The following WDR7 variants were observed in gnomAD, a reference collection of about 807,000 sequenced individuals.
WDR7 encodes the protein WD repeat-containing protein 7.
Under a neutral mutation model 169.4 loss-of-function variants are expected in WDR7, and 46 were observed. That is an observed-to-expected ratio of 0.27 (90% CI 0.21 to 0.35). WDR7 has a LOEUF of 0.35. Ranked by LOEUF, WDR7 falls within the 10% of genes least tolerant of loss-of-function variation. The pLI is 1.00. For missense variants in WDR7, 1,534 were observed against 1,859.3 expected (o/e 0.83, Z 3.22); for synonymous variants, 612 against 666.8 (o/e 0.92, Z 1.27).
chr18:56,823,946 ACT>A (rs903970336), intron 20 of WDR7, among the ~76,000 whole-genome samples: 3 of 152,004 alleles, frequency 2.0e-5, no homozygotes, highest in African/African-American at 7.3e-5. Flanking sequence ...GTCTTCCATG[ACT>A]CTGAGAGTTT....
At chr18:56,963,530 G>A (rs957123288) in intron 26 of WDR7, among the ~76,000 whole-genome samples, 6 of 152,064 alleles carry the variant, frequency 3.9e-5, no homozygotes, top group Admixed American at 6.6e-5. Context: ...AATTTCAGGG[G>A]TCAGACAAGT....
At position 56,695,012 on chromosome 18, in the gene WDR7, G is replaced by A; in HGVS notation, c.1171G>A (p.Ala391Thr). The A allele has an allele frequency of 6.2e-7, 1 of 1,614,126 alleles. No homozygotes were observed. The highest frequency in any genetic ancestry group is 8.5e-7 in the Non-Finnish European group (1 of 1,180,018). ...ATTTGATAAACTGAATCCTTGTCCT[G>A]CTGGAATTATAGATCAGCTGAGTGT... Reference protein sequence around the residue: ...EAFDKLNPCPAGIIDQLSVIP... With the variant: ...EAFDKLNPCPTGIIDQLSVIP... The change falls in exon 11 of 28, where the codon GCT becomes ACT. Residue 391 changes from alanine (A) to threonine (T), a missense_variant. Ala to Thr is a moderately conservative substitution (Grantham distance 58). Coordinates refer to ENST00000254442, the MANE Select transcript of WDR7 (RefSeq NM_015285.3).
At chr18:56,704,325 C>A (rs1341137429) in intron 12 of WDR7, among the ~76,000 whole-genome samples, 1 of 151,680 alleles carries the variant, frequency 6.6e-6, no homozygotes, top group Non-Finnish European at 1.5e-5. Context: ...TCACTTGATG[C>A]CAGGAGTTCA....
chr18:56,797,748 A>G (rs963086256), intron 19 of WDR7, among the ~76,000 whole-genome samples: 3 of 150,776 alleles, frequency 2.0e-5, no homozygotes, highest in East Asian at 2.0e-4. Context: ...ACTTTTATCT[A>G]TCTATCTAAA....
At chr18:56,990,948 TTAC>T (rs879629885) in intron 26 of WDR7, among the ~76,000 whole-genome samples, 3 of 152,190 alleles carry the variant, frequency 2.0e-5, no homozygotes, top group African/African-American at 4.8e-5. Context: ...CAACAACTAC[TTAC>T]TACCTCACTA....
chr18:56,719,725 A>G (rs2026278658), intron 13 of WDR7, among the ~76,000 whole-genome samples: 1 of 152,136 alleles, frequency 6.6e-6, no homozygotes, highest in Non-Finnish European at 1.5e-5. Context: ...CTTTAGTTCT[A>G]GAGTCAGACT....
chr18:56,718,480 A>G (rs1253000692), intron 13 of WDR7, among the ~76,000 whole-genome samples: 1 of 152,232 alleles, frequency 6.6e-6, no homozygotes, highest in East Asian at 1.9e-4. Flanking sequence ...TCTCAGGTTT[A>G]CATACGGTGA....
chr18:56,691,666 T>A (rs1388782785), intron 8 of WDR7, 49 bp from the exon 9 acceptor site: 1 of 1,492,276 alleles, frequency 6.7e-7, no homozygotes, highest in Non-Finnish European at 9.2e-7. Flanking sequence ...AATTATAAAG[T>A]ATTTAATGTC....
chr18:56,843,739 G>T (rs2045521867), intron 20 of WDR7, among the ~76,000 whole-genome samples: 1 of 152,028 alleles, frequency 6.6e-6, no homozygotes, highest in Non-Finnish European at 1.5e-5. Flanking sequence ...TTAATATTTT[G>T]AGGAACTGTC....
chr18:56,865,115 A>T (rs60028886), intron 20 of WDR7, among the ~76,000 whole-genome samples: 8,610 of 152,124 alleles, frequency 0.057, 862 homozygotes, highest in African/African-American at 0.2. Flanking sequence ...TGGTTGAAAC[A>T]TCTCTAAGTG....
At chr18:56,983,350 G>A (rs1464911629) in intron 26 of WDR7, among the ~76,000 whole-genome samples, 1 of 152,058 alleles carries the variant, frequency 6.6e-6, no homozygotes. Flanking sequence ...TATTTTCAAG[G>A]CAGTAATTTT....
At chr18:56,925,714 G>A (rs1353709315) in intron 22 of WDR7, among the ~76,000 whole-genome samples, 1 of 152,156 alleles carries the variant, frequency 6.6e-6, no homozygotes, top group Non-Finnish European at 1.5e-5. Context: ...ATGGAACTCT[G>A]TGGCTTTGTC....
At chr18:56,741,447 T>C (rs534903177) in intron 14 of WDR7, among the ~76,000 whole-genome samples, 1 of 152,330 alleles carries the variant, frequency 6.6e-6, no homozygotes, top group South Asian at 2.1e-4. Context: ...TTATGATTGA[T>C]CTTTTTGTAT....
At chr18:57,001,251 A>G (rs182158977) in intron 26 of WDR7, among the ~76,000 whole-genome samples, 3 of 152,262 alleles carry the variant, frequency 2.0e-5, no homozygotes, top group African/African-American at 7.2e-5. Context: ...CTAGAGAGTG[A>G]TGAACAAGAA....
intron 19 of WDR7, among the ~76,000 whole-genome samples, chr18:56,812,558 C>A (rs1471924040): frequency 6.6e-6 from 1 of 152,150 alleles, no homozygotes; most frequent in Non-Finnish European, 1.5e-5. Flanking sequence ...GGAGACCCAG[C>A]GAAGCTGGTG....
chr18:56,686,514 CAGG>C (rs780791153), intron 6 of WDR7, among the ~76,000 whole-genome samples: 2 of 151,872 alleles, frequency 1.3e-5, no homozygotes, highest in Non-Finnish European at 2.9e-5. Flanking sequence ...GCATGGAATT[CAGG>C]AGAAGATAGA....
At chr18:56,955,034 T>A (rs1460604968) in intron 25 of WDR7, among the ~76,000 whole-genome samples, 1 of 152,182 alleles carries the variant, frequency 6.6e-6, no homozygotes, top group African/African-American at 2.4e-5. Context: ...TTTAGAACAG[T>A]GCATGAGCTC....
chr18:56,757,427 A>G, intron 15 of WDR7, 75 bp downstream of exon 15: 1 of 1,399,646 alleles, frequency 7.1e-7, no homozygotes, highest in Non-Finnish European at 9.5e-7. Flanking sequence ...ATTGTTGATT[A>G]CTCTTTTTTG....
At chr18:56,863,642 T>C (rs1478380944) in intron 20 of WDR7, among the ~76,000 whole-genome samples, 3 of 150,050 alleles carry the variant, frequency 2.0e-5, no homozygotes, top group African/African-American at 7.6e-5. Flanking sequence ...ATTCAGGGCT[T>C]TTCTAGGAAA....
Sources: allele counts gnomAD v4.1 joint callset (sites outside exome capture counted in the v4.1 genomes callset), GRCh38; gene constraint gnomAD v4.1.1; transcripts MANE v1.5; gene names NCBI Gene and HGNC (gene_info 2026-07-23, HGNC 2026-07-21).